Variants in SOX30 observed in about 807,000 individuals in gnomAD.
SOX30 encodes SRY-box transcription factor 30, also known as transcription factor SOX-30.
A neutral mutation model predicts 58.6 loss-of-function variants in SOX30; 17 were observed. That is an observed-to-expected ratio of 0.29 (90% CI 0.20 to 0.44). SOX30 has a LOEUF of 0.44. Among genes scored for constraint, SOX30 ranks in the 20% least tolerant of loss-of-function variants. The pLI, the probability that SOX30 is intolerant of heterozygous loss-of-function variation, is 1.00. For synonymous variants in SOX30, 421 were observed against 400.2 expected, an observed-to-expected ratio of 1.05 and a Z score of -0.62; for missense variants, 951 against 965.8, an observed-to-expected ratio of 0.98 and a Z score of 0.20.
chr5:157,651,966 G>A lies in SOX30; in HGVS notation c.113C>T (p.Pro38Leu). 2 of 1,463,038 alleles carry A rather than the reference G, an allele frequency of 1.4e-6. No individual in the cohort carries two copies. Among genetic ancestry groups the A allele is most frequent in the South Asian group, 1.4e-5 (1 of 71,400 alleles). The allele number at this position is 1,463,038 out of a possible 1,614,324, so 90.6% of individuals were successfully genotyped here. ...TGCCGCGCTCAGTGTGGGAGACGAC[G>A]GAGGGGGCTCCATGGCTGCTGCCCA... Reference protein sequence around the residue: ...SFWAAAMEPPPSSPTLSAAAS... With the variant: ...SFWAAAMEPPLSSPTLSAAAS... The change falls in exon 1 of 5, where the codon CCG becomes CTG. Residue 38 changes from proline to leucine, a missense_variant. Around this residue, in one of 7 missense-constraint regions of SOX30, gnomAD observed 363 missense variants for 294.5 expected, o/e 1.23. Transcript: ENST00000265007.
At position 157,638,304 on chromosome 5, in the gene SOX30, T is replaced by C. The variant is rs1365102435; in HGVS notation, c.1806A>G (p.Thr602=). The change falls in exon 4 of 5, where the codon ACA becomes ACG. Residue 602 remains threonine, a synonymous_variant. Coordinates refer to ENST00000265007, the MANE Select transcript of SOX30 (RefSeq NM_178424.2). ...AGAATCTTGGTGGTGTCCCGAACAG[T>C]GTGGCTGGATGGCCAAGGGGAGGGG... ...YQPPPLGHPA[T]LFGTPPRFSF... 6.2e-7 allele frequency: 1 copy of C among 1,606,664 alleles called. No individual in the cohort carries two copies. The highest frequency in any genetic ancestry group is 8.5e-7 in the Non-Finnish European group (1 of 1,175,896).
upstream of SOX30, among the ~76,000 whole-genome samples, chr5:157,654,164 CAAAA>C (rs1168643558): frequency 3.8e-5 from 3 of 78,638 alleles, no homozygotes; most frequent in Non-Finnish European, 2.7e-5. Flanking sequence ...GACCCTGTCT[CAAAA>C]AAAAAAAAAA....
chr5:157,648,688 C>CT lies in SOX30; in HGVS notation c.1175dup (p.Ile393AspfsTer2), dbSNP rs1279383467. 6.2e-7 allele frequency: 1 copy of CT among 1,613,590 alleles called. No individual in the cohort carries two copies. The highest frequency in any genetic ancestry group is 8.5e-7 in the Non-Finnish European group (1 of 1,179,914). On this transcript the variant is annotated frameshift_variant, in exon 2 of 5. Transcript: ENST00000265007. LOFTEE classifies it high-confidence loss of function. Reference sequence around the variant, plus strand: ...ATTCCTCTCTGTGCTTTTCCTTAATCTTTTGTGCTTCATCGTAATAGGGTT... The same window carrying CT: ...ATTCCTCTCTGTGCTTTTCCTTAATCTTTTTGTGCTTCATCGTAATAGGGTT...
At chr5:157,643,844 T>C (rs1056358011) in intron 3 of SOX30, among the ~76,000 whole-genome samples, 2 of 152,124 alleles carry the variant, frequency 1.3e-5, no homozygotes, top group Non-Finnish European at 1.5e-5. Context: ...TGACAAGATA[T>C]TAAAATTATG....
chr5:157,657,075 G>A (rs1759486464), upstream of SOX30, among the ~76,000 whole-genome samples: 1 of 152,086 alleles, frequency 6.6e-6, no homozygotes, highest in Non-Finnish European at 1.5e-5. Flanking sequence ...ATAAAGAATT[G>A]GGTTTGTCAT....
intron 3 of SOX30, among the ~76,000 whole-genome samples, chr5:157,641,290 G>C (rs1759054016): frequency 1.3e-5 from 2 of 152,080 alleles, no homozygotes; most frequent in South Asian, 4.1e-4. Context: ...GTGAGTGACA[G>C]AGTAAATAAT....
chr5:157,642,108 G>T (rs1033340854), intron 3 of SOX30, among the ~76,000 whole-genome samples: 1 of 151,982 alleles, frequency 6.6e-6, no homozygotes, highest in African/African-American at 2.4e-5. Flanking sequence ...TTGAGTCCAG[G>T]AGTTCAAGAC....
chr5:157,645,487 AC>A (rs1759166511), intron 3 of SOX30, among the ~76,000 whole-genome samples: 1 of 151,528 alleles, frequency 6.6e-6, no homozygotes, highest in African/African-American at 2.4e-5. Context: ...ACATGGCAAA[AC>A]CCCATCTCTA....
chr5:157,670,282 T>G (rs967371329), intron 1 of SOX30, among the ~76,000 whole-genome samples: 19 of 152,184 alleles, frequency 1.2e-4, no homozygotes, highest in Non-Finnish European at 2.4e-4. Flanking sequence ...GATACTGAAA[T>G]GTACAAGACA....
At position 157,651,388 on chromosome 5, in the gene SOX30, C is replaced by G. The variant is rs779659102; in HGVS notation, c.691G>C (p.Ala231Pro). ...LEDCRLGAEPASNGLVHGSAE... is the reference protein window; with the variant it reads ...LEDCRLGAEPPSNGLVHGSAE... Reference sequence around the variant, plus strand: ...CTGCCATGAACCAGGCCATTGGACGCGGGCTCCGCGCCGAGCCTGCAGTCC... The same window carrying G: ...CTGCCATGAACCAGGCCATTGGACGGGGGCTCCGCGCCGAGCCTGCAGTCC... Residue 231 changes from alanine (A) to proline (P), a missense_variant, in exon 1 of 5, where the codon GCG becomes CCG. By Grantham distance (27) the Ala-to-Pro change is conservative. This residue lies in a region of SOX30 where 84 missense variants were observed against 68.2 expected (regional missense o/e 1.23). Transcript: ENST00000265007. 5.0e-6 allele frequency: 8 copies of G among 1,613,500 alleles called. No individual in the cohort carries two copies. The South Asian group carries it at 5.5e-5, about 11-fold the overall frequency.
At chr5:157,627,079 A>C (rs1318443120) in intron 4 of SOX30, among the ~76,000 whole-genome samples, 3 of 152,190 alleles carry the variant, frequency 2.0e-5, no homozygotes, top group Non-Finnish European at 4.4e-5. Context: ...ATTGACACTC[A>C]GTGGTTGGGC....
In SOX30 at chr5:157,662,512, T is replaced by C. The variant is rs566191955; in HGVS notation, c.52+5286A>G. Among the ~76,000 whole-genome samples the C allele has an allele frequency of 5.3e-5, 8 of 152,356 alleles. No individual in the cohort carries two copies. In the South Asian group the frequency reaches 1.4e-3, roughly 28 times the overall value. On this transcript the variant is annotated intron_variant, in intron 2 of 5. Coordinates refer to the SOX30 transcript ENST00000519442. ...ATTGCTTTACCTGCATTAATTTTGA[T>C]ATGCTCTGATTTTACAGTCATTCAG...
Position 157,626,522 on chromosome 5 carries a change from T to A in SOX30, c.2080A>T (p.Thr694Ser). 1 of 1,614,190 alleles carries A rather than the reference T, an allele frequency of 6.2e-7. No homozygotes were observed. Among genetic ancestry groups the A allele is most frequent in the Non-Finnish European group, 8.5e-7 (1 of 1,180,038 alleles). ...NSRSCENMNG[T>S]SYYNSHSHSG... ...TGGCTATGACTGTTATAGTAAGAAG[T>A]TCCATTCATGTTCTCACAACTCCGA... Residue 694 changes from threonine (T) to serine (S), a missense_variant, in exon 5 of 5, where the codon ACT becomes TCT. By Grantham distance (58) the Thr-to-Ser change is moderately conservative. This residue lies in a region of SOX30 where 381 missense variants were observed against 390.0 expected (regional missense o/e 0.98). Transcript: ENST00000265007.
At chr5:157,669,928 C>T (rs1191998641) in intron 1 of SOX30, among the ~76,000 whole-genome samples, 4 of 152,150 alleles carry the variant, frequency 2.6e-5, no homozygotes, top group African/African-American at 7.2e-5. Context: ...TACCTGCCAA[C>T]GCCCTAGACT....
At chr5:157,658,434 G>A (rs1759520527) in intron 2 of SOX30, among the ~76,000 whole-genome samples, 1 of 152,134 alleles carries the variant, frequency 6.6e-6, no homozygotes, top group Non-Finnish European at 1.5e-5. Context: ...ACCAACTAGT[G>A]ACATCTGACT....
At chr5:157,645,292 A>G (rs1759161991) in intron 3 of SOX30, among the ~76,000 whole-genome samples, 1 of 152,164 alleles carries the variant, frequency 6.6e-6, no homozygotes, top group Non-Finnish European at 1.5e-5. Flanking sequence ...CTCAGCTCAT[A>G]TGGGTGGCTT....
At chr5:157,660,435 AAAATAAAAT>A (rs1759557215) in intron 2 of SOX30, among the ~76,000 whole-genome samples, 1 of 149,366 alleles carries the variant, frequency 6.7e-6, no homozygotes, top group African/African-American at 2.4e-5. Context: ...AATATAAAAT[AAAATAAAAT>A]AAAATAAAGT....
At chr5:157,667,731 TC>T in intron 2 of SOX30, 1 of 1,515,364 alleles carries the variant, frequency 6.6e-7, no homozygotes, top group Non-Finnish European at 8.8e-7. Context: ...AGAGCGAGAC[TC>T]CATCTCAGAA....
At chr5:157,648,535 TCTCTTTATTGTA>T in intron 2 of SOX30, 110 bp downstream of exon 2, 1 of 857,500 alleles carries the variant, frequency 1.2e-6, no homozygotes. Context: ...TAGTCATTAT[TCTCTTTATTGTA>T]CATATCAGAA....
Sources: gnomAD v4.1 joint callset for allele counts (sites outside exome capture counted in the v4.1 genomes callset) on GRCh38, gnomAD v4.1.1 for gene constraint, gnomAD v4.1.1 regional missense constraint, MANE v1.5 for transcripts, NCBI Gene and HGNC (gene_info 2026-07-23, HGNC 2026-07-21) for gene names.